Variants in NKAIN2 observed in about 807,000 individuals in gnomAD.
The protein encoded by NKAIN2 is sodium/potassium-transporting ATPase subunit beta-1-interacting protein 2.
A neutral mutation model predicts 32.6 loss-of-function variants in NKAIN2; 14 were observed. The ratio of observed to expected loss-of-function variants is 0.43; its 90% CI spans 0.28 to 0.67. The LOEUF (loss-of-function observed/expected upper bound fraction) is 0.67. Ranked by LOEUF, NKAIN2 falls within the 30% of genes least tolerant of loss-of-function variation. The probability of loss-of-function intolerance (pLI) is 0.17; values close to 1 mark genes in which losing one functional copy is unlikely to be tolerated. For missense variants in NKAIN2, 198 were observed against 258.3 expected (o/e 0.77, Z 1.60); for synonymous variants, 80 against 87.2 (o/e 0.92, Z 0.46).
At chr6:124,685,757 C>T (rs138108941) in intron 4 of NKAIN2, among the ~76,000 whole-genome samples, 8 of 152,250 alleles carry the variant, frequency 5.3e-5, no homozygotes, top group Middle Eastern at 3.4e-3. Flanking sequence ...ATCTTGACTA[C>T]GAAAATTCAG....
rs143888292 is a variant in NKAIN2 at position 124,797,609 on chromosome 6, C to T, written c.535+6210C>T. Reference sequence around the variant, plus strand: ...TGAATCTTTCATTTGAAAAGAAAACCACAGGAAATTATTCACTTCTCTGGG... The same window carrying T: ...TGAATCTTTCATTTGAAAAGAAAACTACAGGAAATTATTCACTTCTCTGGG... On this transcript the variant is annotated intron_variant, in intron 5 of 6. Transcript: ENST00000368417. Among the ~76,000 whole-genome samples, 489 of 152,176 alleles carry T rather than the reference C, an allele frequency of 3.2e-3. 1 individual carries two copies. The highest frequency in any genetic ancestry group is 4.9e-3 in the Non-Finnish European group (330 of 67,998).
intron 3 of NKAIN2, among the ~76,000 whole-genome samples, chr6:124,488,963 A>AACATCTGATAAC (rs1317867132): frequency 8.6e-5 from 13 of 151,896 alleles, no homozygotes; most frequent in Non-Finnish European, 1.8e-4. Flanking sequence ...TATCTTTTGT[A>AACATCTGATAAC]ACATCTGATA....
chr6:123,806,534 C>T (rs759398893), intron 1 of NKAIN2, among the ~76,000 whole-genome samples: 2 of 151,970 alleles, frequency 1.3e-5, no homozygotes, highest in Non-Finnish European at 2.9e-5. Context: ...AAGCCCTGCA[C>T]TAAAAAATAG....
chr6:124,461,133 A>G (rs1776514916), intron 3 of NKAIN2, among the ~76,000 whole-genome samples: 1 of 151,874 alleles, frequency 6.6e-6, no homozygotes, highest in African/African-American at 2.4e-5. Context: ...TCTTTATACT[A>G]TGCTGAGACA....
chr6:124,478,553 A>G (rs113541181), intron 3 of NKAIN2, among the ~76,000 whole-genome samples: 18 of 152,368 alleles, frequency 1.2e-4, no homozygotes, highest in African/African-American at 4.3e-4. Context: ...TGTCAAAGGG[A>G]CATTGCAGCC....
chr6:124,751,868 G>C (rs962121628), intron 4 of NKAIN2, among the ~76,000 whole-genome samples: 1 of 151,076 alleles, frequency 6.6e-6, no homozygotes, highest in East Asian at 2.0e-4. Context: ...AGTCCCAACT[G>C]TGTGGGAAGT....
intron 3 of NKAIN2, among the ~76,000 whole-genome samples, chr6:124,375,327 G>A (rs1799938207): frequency 6.7e-6 from 1 of 149,706 alleles, no homozygotes; most frequent in Admixed American, 6.7e-5. Flanking sequence ...GTGAAAATGG[G>A]GACTTACCTC....
At chr6:124,696,520 G>A (rs1466547281) in intron 4 of NKAIN2, among the ~76,000 whole-genome samples, 13 of 152,068 alleles carry the variant, frequency 8.5e-5, no homozygotes, top group African/African-American at 2.9e-4. Flanking sequence ...GCTGTCTACC[G>A]GACAAAAAAT....
In NKAIN2 at chr6:123,930,440, G is replaced by A. The variant is rs147452488; in HGVS notation, c.54+126186G>A. ...TAATCTTGCCTTTCTTGATTATACT[G>A]CATATGGAGTTATTAGTCCTGACTC... On this transcript the variant is annotated intron_variant, in intron 1 of 6. Transcript: ENST00000368417. 9.1e-3 allele frequency among the ~76,000 whole-genome samples: 1,378 copies of A among 152,198 alleles called. 12 individuals carry two copies. The highest frequency in any genetic ancestry group is 0.02 in the Middle Eastern group (6 of 294).
At chr6:124,392,060 G>A (rs1486892023) in intron 3 of NKAIN2, among the ~76,000 whole-genome samples, 1 of 152,220 alleles carries the variant, frequency 6.6e-6, no homozygotes, top group Non-Finnish European at 1.5e-5. Context: ...TCAAGGCAAT[G>A]TATCTATTAT....
chr6:124,360,828 C>G (rs1799256277), intron 3 of NKAIN2, among the ~76,000 whole-genome samples: 1 of 152,050 alleles, frequency 6.6e-6, no homozygotes, highest in African/African-American at 2.4e-5. Context: ...TGATATTTTC[C>G]TAGATGTCCT....
At chr6:124,564,024 C>G (rs1466245394) in intron 3 of NKAIN2, among the ~76,000 whole-genome samples, 1 of 152,154 alleles carries the variant, frequency 6.6e-6, no homozygotes, top group African/African-American at 2.4e-5. Flanking sequence ...AAAGATCACT[C>G]AGTTTCATCT....
intron 4 of NKAIN2, among the ~76,000 whole-genome samples, chr6:124,700,484 G>C (rs1043623381): frequency 6.6e-6 from 1 of 152,094 alleles, no homozygotes. Context: ...ACACAGTTCA[G>C]TCCCTTGTAA....
At chr6:124,475,898 C>T (rs541955586) in intron 3 of NKAIN2, among the ~76,000 whole-genome samples, 15 of 152,186 alleles carry the variant, frequency 9.9e-5, no homozygotes, top group East Asian at 1.9e-4. Context: ...AAACTTAAAG[C>T]GCTGATTTTT....
intron 3 of NKAIN2, among the ~76,000 whole-genome samples, chr6:124,655,305 T>G (rs1784501724): frequency 6.6e-6 from 1 of 152,160 alleles, no homozygotes; most frequent in Non-Finnish European, 1.5e-5. Flanking sequence ...CACTTACTCA[T>G]GTCTTGGTTT....
At chr6:124,161,054 AC>A (rs1788251713) in intron 1 of NKAIN2, among the ~76,000 whole-genome samples, 1 of 152,148 alleles carries the variant, frequency 6.6e-6, no homozygotes, top group Admixed American at 6.6e-5. Context: ...TGAAAGTTAG[AC>A]CTTATATTAG....
chr6:124,680,122 A>G (rs1424275247), intron 4 of NKAIN2, among the ~76,000 whole-genome samples: 1 of 152,216 alleles, frequency 6.6e-6, no homozygotes, highest in Non-Finnish European at 1.5e-5. Context: ...AAATTCCTCC[A>G]TAATAATCTG....
intron 2 of NKAIN2, among the ~76,000 whole-genome samples, chr6:124,347,851 C>T (rs554911483): frequency 2.6e-5 from 4 of 152,346 alleles, no homozygotes; most frequent in Admixed American, 6.5e-5. Context: ...AGTCATTCTC[C>T]GTCCAGCTTT....
chr6:124,247,708 A>T (rs952201473), intron 1 of NKAIN2, among the ~76,000 whole-genome samples: 9 of 152,120 alleles, frequency 5.9e-5, no homozygotes, highest in African/African-American at 1.9e-4. Context: ...CTAGACATAG[A>T]ATATAAAATT....
Sources: gnomAD v4.1 joint callset for allele counts (sites outside exome capture counted in the v4.1 genomes callset) on GRCh38, gnomAD v4.1.1 for gene constraint, MANE v1.5 for transcripts, NCBI Gene and HGNC (gene_info 2026-07-23, HGNC 2026-07-21) for gene names.